The following CDHR5 variants were observed in gnomAD, a reference collection of about 807,000 sequenced individuals.
The protein encoded by CDHR5 is cadherin-related family member 5.
A neutral mutation model predicts 69.5 loss-of-function variants in CDHR5; 82 were observed. The observed-to-expected ratio is 1.18, with a 90% CI of 0.99 to 1.42. The LOEUF is 1.42. CDHR5 is among the 40% of genes most tolerant of loss of function. The pLI is 0.00. For synonymous variants in CDHR5, 601 were observed against 510.2 expected (o/e 1.18, Z -2.40); for missense variants, 1,293 against 1,168.9 (o/e 1.11, Z -1.55).
In CDHR5 at chr11:621,380, C is replaced by G; in HGVS notation, c.583G>C (p.Glu195Gln). The G allele has an allele frequency of 6.2e-7, 1 of 1,613,134 alleles. No individual in the cohort carries two copies. The highest frequency in any genetic ancestry group is 8.5e-7 in the Non-Finnish European group (1 of 1,179,996). Residue 195 changes from glutamate (E) to glutamine (Q), a missense_variant, in exon 6 of 15, where the codon GAG (glutamate) becomes CAG (glutamine). By Grantham distance (29) the Glu-to-Gln change is conservative. Coordinates refer to ENST00000397542, the MANE Select transcript of CDHR5 (RefSeq NM_021924.5). This position sits in a 1 kb window ranked among gnomAD's most constrained non-coding sequence, Gnocchi z 4.4. ...LRLDRPLDFY[E>Q]RPNMTFWLLV... The stretch of plus-strand genomic sequence containing the variant: ...AGCCAGAAGGTCATGTTCGGCCGCT[C>G]GTAGAAGTCCAGGGGCCGGTCCAGC...
In CDHR5 at chr11:618,752, G is replaced by C. The variant is rs1482486901; in HGVS notation, c.1807C>G (p.Gln603Glu). ...TGAGAGGTTCCTGCCTCTGGGGTCTGTGCTGTGCCCCCACCGGGTGTGGCT... is the reference window on the plus strand; with the variant it reads ...TGAGAGGTTCCTGCCTCTGGGGTCTCTGCTGTGCCCCCACCGGGTGTGGCT... ...QPATPGGGTA[Q>E]TPEAGTSQPM... is the part of the protein sequence containing the mutation. The change falls in exon 13 of 15, where the codon CAG becomes GAG. Residue 603 changes from glutamine to glutamate, a missense_variant. Coordinates refer to ENST00000397542, the MANE Select transcript of CDHR5 (RefSeq NM_021924.5). 3 of 1,606,976 alleles carry C rather than the reference G, an allele frequency of 1.9e-6. No individual in the cohort carries two copies. The highest frequency in any genetic ancestry group is 2.5e-6 in the Non-Finnish European group (3 of 1,178,382).
Position 624,154 on chromosome 11 carries a change from C to G in CDHR5, c.312+59G>C. 1.4e-6 allele frequency: 1 copy of G among 725,142 alleles called. No homozygotes were observed. The highest frequency in any genetic ancestry group is 1.5e-5 in the South Asian group (1 of 68,190). 44.9% of individuals were successfully genotyped at this position (725,142 alleles called of 1,614,324 possible). ...TCATCAAAGACTGGTCCTGGACCGGCAGGGCAGAGCCCAGCAGAGGTGGCC... is the reference window on the plus strand; with the variant it reads ...TCATCAAAGACTGGTCCTGGACCGGGAGGGCAGAGCCCAGCAGAGGTGGCC... On this transcript the variant is annotated intron_variant, in intron 3 of 14. Coordinates refer to ENST00000397542, the MANE Select transcript of CDHR5 (RefSeq NM_021924.5). The surrounding 1 kb of genome is among the most constrained non-coding windows in gnomAD (Gnocchi z 5.3).
intron 9 of CDHR5, 65 bp from the exon 10 acceptor site, chr11:619,946 G>A (rs992721386): frequency 3.9e-5 from 57 of 1,443,882 alleles, no homozygotes; most frequent in Non-Finnish European, 5.1e-5. Flanking sequence ...GAAGGCTGGG[G>A]CTCAGGAAAG....
At position 624,665 on chromosome 11, in the gene CDHR5, G is replaced by A. The variant is rs1728541364; in HGVS notation, c.153C>T (p.Asp51=). The change falls in exon 2 of 15, where the codon GAC becomes GAT. Residue 51 remains aspartate (D), a synonymous_variant. Coordinates refer to ENST00000397542, the MANE Select transcript of CDHR5 (RefSeq NM_021924.5). The surrounding 1 kb of genome is among the most constrained non-coding windows in gnomAD (Gnocchi z 5.3). ...CCTCCTGGCCCTCCGGGACGTGGATGTCCACCAGCGGCTCGGTGACATTTG... is the reference window on the plus strand; with the variant it reads ...CCTCCTGGCCCTCCGGGACGTGGATATCCACCAGCGGCTCGGTGACATTTG... ...ENTNVTEPLV[D]IHVPEGQEVT... The A allele has an allele frequency of 1.2e-6, 2 of 1,613,554 alleles. No individual in the cohort carries two copies. Among genetic ancestry groups the A allele is most frequent in the Non-Finnish European group, 1.7e-6 (2 of 1,179,606 alleles).
chr11:621,712 AC>A lies in CDHR5; in HGVS notation c.406-50del. On this transcript the variant is annotated intron_variant, in intron 4 of 14. Transcript: ENST00000397542. This position sits in a 1 kb window ranked among gnomAD's most constrained non-coding sequence, Gnocchi z 4.4. Reference sequence around the variant, plus strand: ...CCGGCCACACTCTTGGCCCCTGTGGACCCCCACTGTGGTTGAGCCCCCGGCC... The same window carrying A: ...CCGGCCACACTCTTGGCCCCTGTGGACCCCACTGTGGTTGAGCCCCCGGCC... 6.5e-7 allele frequency: 1 copy of A among 1,549,784 alleles called. No homozygotes were observed. Among genetic ancestry groups the A allele is most frequent in the Non-Finnish European group, 8.9e-7 (1 of 1,125,210 alleles).
intron 3 of CDHR5, among the ~76,000 whole-genome samples, chr11:623,923 G>C (rs887754094): frequency 1.3e-5 from 2 of 152,112 alleles, no homozygotes; most frequent in African/African-American, 4.8e-5. Flanking sequence ...TGGGAACCAA[G>C]GTGGTCCCCG....
chr11:622,127 C>T (rs1038526316), intron 3 of CDHR5, among the ~76,000 whole-genome samples: 9 of 151,862 alleles, frequency 5.9e-5, no homozygotes, highest in Non-Finnish European at 1.3e-4. Flanking sequence ...CACCCCTCAA[C>T]GGCCACCCGT....
chr11:620,030 C>T (rs763553050), intron 9 of CDHR5, 37 bp downstream of exon 9: 41 of 1,486,290 alleles, frequency 2.8e-5, no homozygotes, highest in African/African-American at 4.2e-5. Flanking sequence ...CCACCCTTCC[C>T]CCTCTGCCCT....
rs533728043 is a variant in CDHR5, at chr11:621,946, G to C, written c.313-42C>G. 139 of 1,493,780 alleles carry C rather than the reference G, an allele frequency of 9.3e-5. No individual in the cohort carries two copies. In the African/African-American group the frequency reaches 1.8e-3, roughly 19 times the overall value. 92.5% of individuals were successfully genotyped at this position (1,493,780 alleles called of 1,614,324 possible). ...TCAGCCTCTCCCACAGCCCCTCCCC[G>C]TTGTGAGGTGCACCCCTCGACGGCT... is the stretch of plus-strand genomic sequence containing the variant. On this transcript the variant is annotated intron_variant, in intron 3 of 14. Coordinates refer to ENST00000397542, the MANE Select transcript of CDHR5 (RefSeq NM_021924.5). The surrounding 1 kb of genome is among the most constrained non-coding windows in gnomAD (Gnocchi z 4.4).
In CDHR5 at chr11:624,779, C is replaced by A. The variant is rs182123754; in HGVS notation, c.85+39G>T. On this transcript the variant is annotated intron_variant, in intron 1 of 14. Coordinates refer to ENST00000397542, the MANE Select transcript of CDHR5 (RefSeq NM_021924.5). This position sits in a 1 kb window ranked among gnomAD's most constrained non-coding sequence, Gnocchi z 5.3. ...ATCAGTGCCTCCCAGCCCCTGGCTC[C>A]CCGCCGCCCGTGCCCCACCTACCCC... 31,416 of 1,604,330 alleles carry A rather than the reference C, an allele frequency of 0.02. 399 individuals are homozygous for A. Among genetic ancestry groups the A allele is most frequent in the Non-Finnish European group, 0.023 (26,840 of 1,174,040 alleles).
At position 619,809 on chromosome 11, in the gene CDHR5, G is replaced by C. The variant is rs371788454; in HGVS notation, c.1051C>G (p.Pro351Ala). The change falls in exon 10 of 15, where the codon CCG (proline) becomes GCG (alanine). Residue 351 changes from proline (P) to alanine (A), a missense_variant. Physicochemically the swap from Pro to Ala is conservative, Grantham distance 27. Transcript: ENST00000397542. The part of the protein sequence containing the change: ...TVEAVAAAGS[P>A]PRFPQRLYRG... ...TACAGTCTCTGGGGGAAGCGGGGCG[G>C]GCTCCCGGCCGCAGCCACAGCCTCC... 33 of 1,592,316 alleles carry C rather than the reference G, an allele frequency of 2.1e-5. No individual in the cohort carries two copies. In the African/African-American group the frequency reaches 3.9e-4, roughly 19 times the overall value.
In CDHR5 at chr11:624,230, GAC is replaced by G. The variant is rs753291253; in HGVS notation, c.293_294del (p.Cys98SerfsTer21). The G allele has an allele frequency of 1.3e-6, 1 of 769,878 alleles. No homozygotes were observed. The highest frequency in any genetic ancestry group is 2.4e-6 in the Non-Finnish European group (1 of 413,604). 47.7% of individuals were successfully genotyped at this position (769,878 alleles called of 1,614,324 possible). Reference sequence around the variant, plus strand: ...GGACTCACCAATGTGCCTCCGCTCTGACACAGCAGCTGAGCCTCAAGCAGTGA... The same window carrying G: ...GGACTCACCAATGTGCCTCCGCTCTGACAGCAGCTGAGCCTCAAGCAGTGA... ...EKSLLEAQLL[C>X]QSGGTLVTQL... On this transcript the variant is annotated frameshift_variant, in exon 3 of 15. Transcript: ENST00000397542. LOFTEE classifies it high-confidence loss of function. The surrounding 1 kb of genome is among the most constrained non-coding windows in gnomAD (Gnocchi z 5.3).
In CDHR5 at chr11:618,916, G is replaced by C. The variant is rs141060537; in HGVS notation, c.1643C>G (p.Ser548Cys). ...TCCCACACCGGGGGGCATCGGCTGAGAGGTTCCTGGCTTTGGGGTCTGTGC... is the reference window on the plus strand; with the variant it reads ...TCCCACACCGGGGGGCATCGGCTGACAGGTTCCTGGCTTTGGGGTCTGTGC... ...DTAQTPKPGTSQPMPPGVGTS... is the reference protein window; with the variant it reads ...DTAQTPKPGTCQPMPPGVGTS... Residue 548 changes from serine (S) to cysteine (C), a missense_variant, in exon 13 of 15, where the codon TCT becomes TGT. Transcript: ENST00000397542. 24 of 1,609,110 alleles carry C rather than the reference G, an allele frequency of 1.5e-5. No individual in the cohort carries two copies. Among genetic ancestry groups the C allele is most frequent in the Non-Finnish European group, 1.9e-5 (22 of 1,177,112 alleles).
chr11:620,976 C>A, intron 7 of CDHR5, 104 bp downstream of exon 7: 4 of 693,960 alleles, frequency 5.8e-6, no homozygotes, highest in Non-Finnish European at 6.7e-6. Context: ...ATCGGCCCCA[C>A]CCCCTGACCC....
In CDHR5 at chr11:619,562, C is replaced by T. The variant is rs144843907; in HGVS notation, c.1205G>A (p.Arg402Gln). The T allele has an allele frequency of 5.5e-4, 892 of 1,613,860 alleles. 1 individual carries two copies. The highest frequency in any genetic ancestry group is 7.0e-4 in the Non-Finnish European group (823 of 1,179,870). Reference protein sequence around the residue: ...FSDLNSAITYRITNHSHFRME... With the variant: ...FSDLNSAITYQITNHSHFRME... ...CCGGAAGTGTGAGTGGTTGGTAATT[C>T]GATATGTGATGGCCGAGTTGAGGTC... The change falls in exon 11 of 15, where the codon CGA becomes CAA. Residue 402 changes from arginine to glutamine, a missense_variant. Physicochemically the swap from Arg to Gln is conservative, Grantham distance 43. Coordinates refer to ENST00000397542, the MANE Select transcript of CDHR5 (RefSeq NM_021924.5).
Position 623,317 on chromosome 11 carries a change from G to C in CDHR5, c.312+896C>G, listed in dbSNP as rs145380716. ...GAGTGAGACTCTGTCTCAAAAAAGA[G>C]TCTCTCTCTTTCAGAGACATATCCC... On this transcript the variant is annotated intron_variant, in intron 3 of 14. Transcript: ENST00000397542. Among the ~76,000 whole-genome samples the C allele has an allele frequency of 7.0e-3, 1,069 of 152,154 alleles. 8 individuals carry two copies. The highest frequency in any genetic ancestry group is 0.025 in the African/African-American group (1,021 of 41,504).
rs539531405 is a variant in CDHR5, at chr11:624,092, C to T, written c.312+121G>A. 16 of 649,202 alleles carry T rather than the reference C, an allele frequency of 2.5e-5. No individual in the cohort carries two copies. The highest frequency in any genetic ancestry group is 1.1e-4 in the Admixed American group (5 of 46,670). 40.2% of individuals were successfully genotyped at this position (649,202 alleles called of 1,614,324 possible). A position where few individuals can be genotyped will look rare whatever the true frequency, so the allele number is the denominator to read the frequency against. ...CTGGAGGAAATGTGGGCATCACCCT[C>T]GGGGGGGTGGAATTTGAAACCACAC... is the stretch of plus-strand genomic sequence containing the variant. On this transcript the variant is annotated intron_variant, in intron 3 of 14. Transcript: ENST00000397542. This position sits in a 1 kb window ranked among gnomAD's most constrained non-coding sequence, Gnocchi z 5.3.
At chr11:620,661 G>A (rs1047566603) in intron 7 of CDHR5, among the ~76,000 whole-genome samples, 2 of 152,218 alleles carry the variant, frequency 1.3e-5, no homozygotes, top group African/African-American at 4.8e-5. Context: ...AAACATTTAG[G>A]AAGTGGGGGC....
chr11:621,547 G>T lies in CDHR5; in HGVS notation c.507+15C>A. ...GGCGAGGGGCTCGTGCTGGGGCAGGGTGGGCGGCACTGACTGCTGTCATTT... is the reference window on the plus strand; with the variant it reads ...GGCGAGGGGCTCGTGCTGGGGCAGGTTGGGCGGCACTGACTGCTGTCATTT... On this transcript the variant is annotated intron_variant, in intron 5 of 14. Transcript: ENST00000397542. This position sits in a 1 kb window ranked among gnomAD's most constrained non-coding sequence, Gnocchi z 4.4. 2.5e-6 allele frequency: 4 copies of T among 1,605,054 alleles called. No homozygotes were observed. The African/African-American group carries it at 4.0e-5, about 16-fold the overall frequency.
Sources: gnomAD v4.1 joint callset for allele counts (sites outside exome capture counted in the v4.1 genomes callset) on GRCh38, gnomAD v4.1.1 for gene constraint, Gnocchi (gnomAD v3.1) non-coding constraint, MANE v1.5 for transcripts, NCBI Gene and HGNC (gene_info 2026-07-23, HGNC 2026-07-21) for gene names.